NUP214: variants seen among roughly 807,000 people sequenced by gnomAD.
NUP214 encodes nucleoporin 214.
NUP214 carries 79 observed loss-of-function variants against 196.2 expected under a neutral mutation model. The observed-to-expected ratio is 0.40, with a 90% CI of 0.34 to 0.49. NUP214 has a LOEUF of 0.49. Among genes scored for constraint, NUP214 ranks in the 20% least tolerant of loss-of-function variants. NUP214 has a pLI of 0.58. For missense variants in NUP214, 2,468 were observed against 2,539.0 expected, an observed-to-expected ratio of 0.97 and a Z score of 0.60; for synonymous variants, 1,020 against 990.5, an observed-to-expected ratio of 1.03 and a Z score of -0.56.
intron 27 of NUP214, among the ~76,000 whole-genome samples, chr9:131,193,629 C>CTTTTTTTTTCTTTTTTTTTTTTTTTT (rs1833679032): frequency 3.5e-5 from 1 of 28,218 alleles, no homozygotes; most frequent in African/African-American, 1.2e-4. Flanking sequence ...TCTTCCTTTT[C>CTTTTTTTTTCTTTTTTTTTTTTTTTT]TTTTTTTTTT....
chr9:131,197,387 C>T lies in NUP214; in HGVS notation c.3893C>T (p.Pro1298Leu). The change falls in exon 29 of 36, where the codon CCT becomes CTT. Residue 1298 changes from proline (P) to leucine (L), a missense_variant. Around this residue, in one of 5 missense-constraint regions of NUP214, gnomAD observed 1,801 missense variants for 1,779.4 expected, o/e 1.01. Coordinates refer to ENST00000359428, the MANE Select transcript of NUP214 (RefSeq NM_005085.4). ...PAASSSRPVAPSGTALSTTSS... is the reference protein window; with the variant it reads ...PAASSSRPVALSGTALSTTSS... ...GCATCTAGCAGCAGACCTGTGGCAC[C>T]TTCTGGAACTGCTCTTTCCACCACC... The T allele has an allele frequency of 6.2e-7, 1 of 1,614,166 alleles. No homozygotes were observed. The highest frequency in any genetic ancestry group is 8.5e-7 in the Non-Finnish European group (1 of 1,180,036).
Position 131,201,791 on chromosome 9 carries a change from A to C in NUP214, c.5592+74A>C, listed in dbSNP as rs137915368. The stretch of plus-strand genomic sequence containing the variant: ...CAGTTTTCTTCACTGTAATGTAGTC[A>C]GTTCGTGTTGTATATCTAAATCCAG... On this transcript the variant is annotated intron_variant, in intron 30 of 35. Coordinates refer to ENST00000359428, the MANE Select transcript of NUP214 (RefSeq NM_005085.4). 5.6e-4 allele frequency: 713 copies of C among 1,271,556 alleles called. 6 individuals are homozygous for C. The African/African-American group carries it at 9.5e-3, about 17-fold the overall frequency. The allele number at this position is 1,271,556 out of a possible 1,614,324, so 78.8% of individuals were successfully genotyped here.
chr9:131,156,669 CAT>C (rs772834895), intron 17 of NUP214, among the ~76,000 whole-genome samples: 6 of 150,858 alleles, frequency 4.0e-5, no homozygotes, highest in Non-Finnish European at 7.4e-5. Context: ...GATTTGTGTA[CAT>C]TGATTTTGTA....
chr9:131,223,043 AAAG>A, intron 32 of NUP214, 113 bp downstream of exon 32: 1 of 943,540 alleles, frequency 1.1e-6, no homozygotes, highest in Non-Finnish European at 1.5e-6. Flanking sequence ...GGATTGGAGT[AAAG>A]AAGTTAACTG....
At chr9:131,168,116 C>G (rs757782492) in intron 21 of NUP214, among the ~76,000 whole-genome samples, 14 of 152,166 alleles carry the variant, frequency 9.2e-5, no homozygotes, top group African/African-American at 3.1e-4. Flanking sequence ...TCTTGAACTC[C>G]TGGCCTTACG....
intron 35 of NUP214, chr9:131,233,152 AAT>A (rs962108565): frequency 2.1e-4 from 34 of 161,496 alleles, no homozygotes; most frequent in East Asian, 3.2e-4. Flanking sequence ...CTCTACTAAA[AAT>A]ATATATATAT....
intron 18 of NUP214, 194 bp from the exon 19 acceptor site, chr9:131,162,797 C>G (rs1310151767): frequency 3.3e-6 from 2 of 598,332 alleles, no homozygotes; most frequent in Non-Finnish European, 2.9e-6. Context: ...CTGTTTTCTC[C>G]ACATTCCATT....
rs916772643 is a variant in NUP214, at chr9:131,132,244, C to T, written c.664-352C>T. ...AAGCAGTTCTCCTGCCTCAGCCTCC[C>T]GAGTAGCTGGGATTACGGCACCCGC... On this transcript the variant is annotated intron_variant, in intron 5 of 35. Coordinates refer to ENST00000359428, the MANE Select transcript of NUP214 (RefSeq NM_005085.4). 5.3e-5 allele frequency among the ~76,000 whole-genome samples: 8 copies of T among 151,808 alleles called. No homozygotes were observed. The East Asian group carries it at 9.7e-4, about 18-fold the overall frequency.
At chr9:131,173,520 C>CT (rs1337857009) in intron 21 of NUP214, among the ~76,000 whole-genome samples, 2 of 151,964 alleles carry the variant, frequency 1.3e-5, no homozygotes, top group Non-Finnish European at 2.9e-5. Flanking sequence ...GCCTGACCCA[C>CT]TGCACCCAGT....
chr9:131,229,560 G>A, intron 33 of NUP214: 1 of 397,078 alleles, frequency 2.5e-6, no homozygotes, highest in Admixed American at 3.2e-5. Flanking sequence ...CTGCCTTGGG[G>A]CGGCTCTCAC....
At position 131,234,000 on chromosome 9, in the gene NUP214, C is replaced by T. The variant is rs1340066940; in HGVS notation, c.*513C>T. On this transcript the variant is annotated 3_prime_UTR_variant, in exon 36 of 36. Coordinates refer to ENST00000359428, the MANE Select transcript of NUP214 (RefSeq NM_005085.4). ...TGTGTATCAGGACCATCCAAGGACG[C>T]ACTCTGCGATTGAGTGGAGGCAGAG... 1.1e-5 allele frequency: 3 copies of T among 270,390 alleles called. No homozygotes were observed. The highest frequency in any genetic ancestry group is 6.5e-5 in the African/African-American group (3 of 46,302). 16.7% of individuals were successfully genotyped at this position (270,390 alleles called of 1,614,324 possible).
chr9:131,198,644 C>T lies in NUP214; in HGVS notation c.5150C>T (p.Ala1717Val), dbSNP rs755342727. Residue 1717 changes from alanine (A) to valine (V), a missense_variant, in exon 29 of 36, where the codon GCC (alanine) becomes GTC (valine). By Grantham distance (64) the Ala-to-Val change is moderately conservative. This residue lies in a region of NUP214 where 1,801 missense variants were observed against 1,779.4 expected (regional missense o/e 1.01). Coordinates refer to ENST00000359428, the MANE Select transcript of NUP214 (RefSeq NM_005085.4). ...AGCAGCCCAGCTTTTGGTACCACAG[C>T]CCCAGGGGTCTTTGGACAGACAACC... ...GFSSPAFGTT[A>V]PGVFGQTTFG... 6.2e-7 allele frequency: 1 copy of T among 1,614,242 alleles called. No homozygotes were observed. The highest frequency in any genetic ancestry group is 1.7e-5 in the Admixed American group (1 of 60,030).
intron 21 of NUP214, 154 bp downstream of exon 21, chr9:131,164,298 A>G (rs1400905912): frequency 1.4e-5 from 9 of 636,246 alleles, no homozygotes; most frequent in Non-Finnish European, 2.5e-5. Flanking sequence ...GGGGATAGAG[A>G]AAATGTCTCC....
Position 131,215,289 on chromosome 9 carries a change from A to G in NUP214, c.5670A>G (p.Gly1890=). The G allele has an allele frequency of 6.2e-7, 1 of 1,610,070 alleles. No individual in the cohort carries two copies. The highest frequency in any genetic ancestry group is 8.5e-7 in the Non-Finnish European group (1 of 1,178,122). Residue 1890 remains glycine, a synonymous_variant, in exon 31 of 36, where the codon GGA becomes GGG. Transcript: ENST00000359428. ...GRGGGFFSGL[G]GKPSQDAANK... ...GGGGAGGTTTCTTCAGTGGCCTTGG[A>G]GGAAAACCCAGTCAGGATGCAGCCA...
intron 17 of NUP214, among the ~76,000 whole-genome samples, chr9:131,155,370 C>T (rs1367377238): frequency 1.3e-5 from 2 of 152,054 alleles, no homozygotes; most frequent in African/African-American, 4.8e-5. Flanking sequence ...GTTTGAGTTC[C>T]TTATAGATTC....
At chr9:131,231,062 T>G (rs1277455755) in intron 34 of NUP214, among the ~76,000 whole-genome samples, 1 of 152,074 alleles carries the variant, frequency 6.6e-6, no homozygotes, top group African/African-American at 2.4e-5. Flanking sequence ...CTCGGGAGGC[T>G]GAAGCAGGAG....
Position 131,228,240 on chromosome 9 carries a change from G to A in NUP214, c.5983G>A (p.Gly1995Ser), listed in dbSNP as rs770633748. 8.7e-6 allele frequency: 14 copies of A among 1,604,288 alleles called. No homozygotes were observed. Among genetic ancestry groups the A allele is most frequent in the African/African-American group, 5.4e-5 (4 of 74,106 alleles). Residue 1995 changes from glycine (G) to serine (S), a missense_variant, in exon 33 of 36, where the codon GGT becomes AGT. Physicochemically the swap from Gly to Ser is moderately conservative, Grantham distance 56. Coordinates refer to ENST00000359428, the MANE Select transcript of NUP214 (RefSeq NM_005085.4). The part of the protein sequence containing the change: ...SPGFGGVPAF[G>S]SAPAFTSPLG... ...TGGGTTTGGAGGGGTGCCAGCATTC[G>A]GTTCAGCCCCAGCCTTTACAAGCCC... is the stretch of plus-strand genomic sequence containing the variant.
rs1588161529 is a variant in NUP214, at chr9:131,197,873, C to T, written c.4379C>T (p.Ala1460Val). 6.2e-7 allele frequency: 1 copy of T among 1,613,720 alleles called. No individual in the cohort carries two copies. Among genetic ancestry groups the T allele is most frequent in the Non-Finnish European group, 8.5e-7 (1 of 1,180,034 alleles). Residue 1460 changes from alanine (A) to valine (V), a missense_variant, in exon 29 of 36, where the codon GCT (alanine) becomes GTT (valine). Around this residue, in one of 5 missense-constraint regions of NUP214, gnomAD observed 1,801 missense variants for 1,779.4 expected, o/e 1.01. Coordinates refer to ENST00000359428, the MANE Select transcript of NUP214 (RefSeq NM_005085.4). ...CCATCTGCCCCACCACCAACTACAG[C>T]TGCCACTCCCCTTCCAACATCATTC... ...VPPSAPPPTT[A>V]ATPLPTSFPT...
At chr9:131,149,335 A>G (rs1000016750) in intron 14 of NUP214, among the ~76,000 whole-genome samples, 3 of 151,878 alleles carry the variant, frequency 2.0e-5, no homozygotes, top group East Asian at 3.9e-4. Context: ...GGCATTTCAA[A>G]TTATAGTATC....
Sources: allele counts gnomAD v4.1 joint callset (sites outside exome capture counted in the v4.1 genomes callset), GRCh38; gene constraint gnomAD v4.1.1; regional missense constraint gnomAD v4.1.1; transcripts MANE v1.5; gene names NCBI Gene and HGNC (gene_info 2026-07-23, HGNC 2026-07-21).